The following FARS2 variants were observed in gnomAD, a reference collection of about 807,000 sequenced individuals.
FARS2 encodes the protein phenylalanyl-tRNA synthetase 2, mitochondrial, also known as phenylalanine--tRNA ligase, mitochondrial.
A neutral mutation model predicts 46.4 loss-of-function variants in FARS2; 40 were observed. The ratio of observed to expected loss-of-function variants is 0.86; its 90% CI spans 0.67 to 1.12. The LOEUF (loss-of-function observed/expected upper bound fraction) is 1.12, where lower values mean the gene tolerates loss of function less well. Among genes scored for constraint, FARS2 ranks in the 50% most tolerant of loss-of-function variants. FARS2 has a pLI of 0.00. For synonymous variants in FARS2, 234 were observed against 214.9 expected, an observed-to-expected ratio of 1.09 and a Z score of -0.78; for missense variants, 513 against 567.9, an observed-to-expected ratio of 0.90 and a Z score of 0.98.
At chr6:5,479,960 G>A (rs1224769210) in intron 4 of FARS2, among the ~76,000 whole-genome samples, 3 of 152,224 alleles carry the variant, frequency 2.0e-5, no homozygotes, top group African/African-American at 4.8e-5. Context: ...AGGGACCTAC[G>A]GCCCCCTTCT....
chr6:5,609,489 C>T (rs1227366269), intron 5 of FARS2: 4 of 1,223,898 alleles, frequency 3.3e-6, no homozygotes, highest in South Asian at 2.4e-5. Flanking sequence ...ATATCCACCA[C>T]CATCATGGCT....
chr6:5,756,873 C>T (rs1389326319), intron 6 of FARS2, among the ~76,000 whole-genome samples: 1 of 152,208 alleles, frequency 6.6e-6, no homozygotes, highest in Non-Finnish European at 1.5e-5. Flanking sequence ...GTTTCAGCCA[C>T]CTGTCCAAAA....
At chr6:5,643,302 G>C (rs1459184873) in intron 6 of FARS2, among the ~76,000 whole-genome samples, 2 of 152,140 alleles carry the variant, frequency 1.3e-5, no homozygotes, top group East Asian at 3.9e-4. Context: ...TAATCAATGA[G>C]CGCTGCCACA....
At position 5,325,267 on chromosome 6, in the gene FARS2, AGC is replaced by A. The variant is rs199755348; in HGVS notation, c.-21-43282_-21-43281del. ...GAACTGCTGACATCCTGTGAGCCAG[AGC>A]ACCTGAAGGAAATCCATTTCCAGCT... On this transcript the variant is annotated intron_variant, in intron 1 of 6. Coordinates refer to ENST00000274680, the MANE Select transcript of FARS2 (RefSeq NM_006567.5). Among the ~76,000 whole-genome samples the A allele has an allele frequency of 5.5e-3, 838 of 152,332 alleles. 10 individuals carry two copies. Among genetic ancestry groups the A allele is most frequent in the African/African-American group, 0.019 (800 of 41,584 alleles).
intron 6 of FARS2, among the ~76,000 whole-genome samples, chr6:5,629,976 G>A (rs548377526): frequency 6.6e-6 from 1 of 152,308 alleles, no homozygotes; most frequent in Non-Finnish European, 1.5e-5. Flanking sequence ...TGCTTTGGTG[G>A]AGAAGATGAT....
At chr6:5,562,706 A>ACACACACG (rs1375615451) in intron 5 of FARS2, among the ~76,000 whole-genome samples, 9 of 151,738 alleles carry the variant, frequency 5.9e-5, no homozygotes, top group African/African-American at 2.2e-4. Context: ...ACACACACAC[A>ACACACACG]CACACACACA....
At chr6:5,509,830 A>G (rs528330423) in intron 4 of FARS2, among the ~76,000 whole-genome samples, 2 of 152,342 alleles carry the variant, frequency 1.3e-5, no homozygotes, top group South Asian at 2.1e-4. Context: ...CACAACATCT[A>G]TATATACCAA....
At chr6:5,580,992 T>C (rs1312345862) in intron 5 of FARS2, among the ~76,000 whole-genome samples, 2 of 152,240 alleles carry the variant, frequency 1.3e-5, no homozygotes, top group African/African-American at 4.8e-5. Context: ...TCTGTGTGCA[T>C]GAAATTAAGA....
intron 5 of FARS2, among the ~76,000 whole-genome samples, chr6:5,576,579 G>T (rs1772982430): frequency 7.0e-6 from 1 of 142,004 alleles, no homozygotes; most frequent in African/African-American, 2.7e-5. Context: ...ATATATCTAT[G>T]ATATATACTC....
intron 6 of FARS2, among the ~76,000 whole-genome samples, chr6:5,695,942 G>T (rs1758080573): frequency 6.6e-6 from 1 of 152,186 alleles, no homozygotes; most frequent in Admixed American, 6.5e-5. Context: ...GAGACATACA[G>T]ACTGCTGTGA....
chr6:5,286,854 G>C lies in FARS2; in HGVS notation c.-22+25194G>C, dbSNP rs191201505. 3.3e-5 allele frequency among the ~76,000 whole-genome samples: 5 copies of C among 152,306 alleles called. No homozygotes were observed. In the East Asian group the frequency reaches 7.7e-4, roughly 24 times the overall value. ...TTTCTATATGTTAAATAATTTCCAT[G>C]TTAATTTTGGTGCCACTGCAGAATC... On this transcript the variant is annotated intron_variant, in intron 1 of 6. Transcript: ENST00000274680.
chr6:5,596,072 G>T (rs909896642), intron 5 of FARS2, among the ~76,000 whole-genome samples: 1 of 152,198 alleles, frequency 6.6e-6, no homozygotes, highest in Non-Finnish European at 1.5e-5. Context: ...ATTCAATGAG[G>T]TAAGGATATT....
chr6:5,418,224 A>G (rs1397136289), intron 3 of FARS2, among the ~76,000 whole-genome samples: 1 of 152,076 alleles, frequency 6.6e-6, no homozygotes, highest in African/African-American at 2.4e-5. Context: ...TGTATTATGT[A>G]TTTTGTTTCT....
intron 6 of FARS2, among the ~76,000 whole-genome samples, chr6:5,750,331 C>T (rs1238035802): frequency 2.0e-5 from 3 of 152,078 alleles, no homozygotes. Context: ...TGACTGGGCA[C>T]CCTTCTCTCC....
intron 5 of FARS2, chr6:5,609,711 C>G: frequency 6.9e-7 from 1 of 1,451,254 alleles, no homozygotes; most frequent in Non-Finnish European, 9.5e-7. Flanking sequence ...ACAGTCTTAT[C>G]CACGGAGTCA....
chr6:5,311,467 T>C lies in FARS2; in HGVS notation c.-22+49807T>C, dbSNP rs1202018780. On this transcript the variant is annotated intron_variant, in intron 1 of 6. Coordinates refer to ENST00000274680, the MANE Select transcript of FARS2 (RefSeq NM_006567.5). This position sits in a 1 kb window ranked among gnomAD's most constrained non-coding sequence, Gnocchi z 4.1. ...TTCTCATTATTTTTAACTCAACAGT[T>C]ATCTGAGTATGATGTTACAGAACTT... 6.6e-6 allele frequency among the ~76,000 whole-genome samples: 1 copy of C among 152,214 alleles called. No homozygotes were observed. Among genetic ancestry groups the C allele is most frequent in the Non-Finnish European group, 1.5e-5 (1 of 68,032 alleles).
chr6:5,558,672 G>T (rs1043825384), intron 5 of FARS2, among the ~76,000 whole-genome samples: 2 of 152,044 alleles, frequency 1.3e-5, no homozygotes, highest in Middle Eastern at 3.4e-3. Flanking sequence ...GAGTAGCTGG[G>T]ACTACAGGCA....
At chr6:5,514,130 G>C (rs1196950054) in intron 4 of FARS2, among the ~76,000 whole-genome samples, 1 of 151,468 alleles carries the variant, frequency 6.6e-6, no homozygotes, top group Admixed American at 6.6e-5. Flanking sequence ...ATCTAGGAAT[G>C]TGCCAGATGT....
At chr6:5,487,592 G>A (rs375027169) in intron 4 of FARS2, among the ~76,000 whole-genome samples, 3 of 152,296 alleles carry the variant, frequency 2.0e-5, no homozygotes, top group East Asian at 1.9e-4. Context: ...GAAGTCGCAC[G>A]TTTCAGTCAG....
Sources: allele counts gnomAD v4.1 joint callset (sites outside exome capture counted in the v4.1 genomes callset), GRCh38; gene constraint gnomAD v4.1.1; non-coding constraint Gnocchi (gnomAD v3.1); transcripts MANE v1.5; gene names NCBI Gene and HGNC (gene_info 2026-07-23, HGNC 2026-07-21).